MORC4: variants seen among roughly 807,000 people sequenced by gnomAD.
MORC4 encodes MORC family CW-type zinc finger protein 4.
Under a neutral mutation model 65.5 loss-of-function variants are expected in MORC4, and 22 were observed. That is an observed-to-expected ratio of 0.34 (90% confidence interval 0.24 to 0.48). The LOEUF (loss-of-function observed/expected upper bound fraction) is 0.48. Among genes scored for constraint, MORC4 ranks in the 20% least tolerant of loss-of-function variants. The pLI is 0.99. For synonymous variants in MORC4, 267 were observed against 255.8 expected (o/e 1.04, Z -0.42); for missense variants, 624 against 703.0 (o/e 0.89, Z 1.27).
intron 14 of MORC4, among the ~76,000 whole-genome samples, chrX:106,951,995 C>CAA (rs56864570): frequency 1.6e-3 from 50 of 31,639 alleles, no homozygotes; most frequent in Admixed American, 1.9e-3. Flanking sequence ...GACTCTGCCG[C>CAA]AAAAAAAAAA....
intron 9 of MORC4, among the ~76,000 whole-genome samples, chrX:106,964,533 C>T (rs984529659): frequency 6.3e-5 from 7 of 111,740 alleles, no homozygotes; most frequent in African/African-American, 2.3e-4. Context: ...CCAACCTTAA[C>T]TCCAAGTAGG....
intron 2 of MORC4, among the ~76,000 whole-genome samples, 167 bp downstream of exon 2, chrX:106,999,510 G>A (rs1302019860): frequency 2.7e-5 from 3 of 111,909 alleles, no homozygotes; most frequent in Non-Finnish European, 5.7e-5. Flanking sequence ...AGTTCCTGGC[G>A]AGAGAGCCAT....
chrX:106,980,587 G>A (rs1934720311), intron 7 of MORC4, among the ~76,000 whole-genome samples: 1 of 111,228 alleles, frequency 9.0e-6, no homozygotes. Context: ...AGAATCAGCT[G>A]AGGATTTTAA....
chrX:106,971,468 G>A (rs1376370726), intron 9 of MORC4, among the ~76,000 whole-genome samples: 1 of 112,151 alleles, frequency 8.9e-6, no homozygotes, highest in Non-Finnish European at 1.9e-5. Context: ...TGACAAATGG[G>A]ATGTAATTAA....
Position 106,962,011 on chromosome X carries a change from C to T in MORC4, c.1256+1G>A. ...ATTCATATTCTGTATGTATTACTTA[C>T]GGTATTGGCCTGGCTACAGTTGAGG... On this transcript the variant is annotated splice_donor_variant, in intron 10 of 16. Coordinates refer to ENST00000355610, the MANE Select transcript of MORC4 (RefSeq NM_024657.5). LOFTEE classifies it high-confidence loss of function. 1 of 1,173,081 alleles carries T rather than the reference C, an allele frequency of 8.5e-7. No individual in the cohort carries two copies. Among genetic ancestry groups the T allele is most frequent in the Non-Finnish European group, 1.2e-6 (1 of 861,520 alleles).
intron 9 of MORC4, among the ~76,000 whole-genome samples, chrX:106,972,740 A>C (rs1231812992): frequency 8.9e-6 from 1 of 111,840 alleles, no homozygotes; most frequent in Non-Finnish European, 1.9e-5. Context: ...GGAGTTCAAG[A>C]CCAGACTGAC....
chrX:106,961,579 G>A (rs1006350288), intron 10 of MORC4, among the ~76,000 whole-genome samples: 1 of 111,803 alleles, frequency 8.9e-6, no homozygotes, highest in Admixed American at 9.5e-5. Context: ...GCACCAATCA[G>A]TGCTCTGTAA....
In MORC4 at chrX:106,956,915, C is replaced by T. The variant is rs759962231; in HGVS notation, c.1454+21G>A. 7.9e-6 allele frequency: 9 copies of T among 1,140,985 alleles called. No individual in the cohort carries two copies. In the East Asian group the frequency reaches 2.7e-4, roughly 34 times the overall value. 94.0% of individuals were successfully genotyped at this position (1,140,985 alleles called of 1,213,427 possible). On this transcript the variant is annotated intron_variant, in intron 12 of 16. Transcript: ENST00000355610. The stretch of plus-strand genomic sequence containing the variant: ...GCTACTCTACCCTATGGTAGAGAAC[C>T]CCATCTCATGTATACTCAACTGTTT...
intron 15 of MORC4, 91 bp downstream of exon 15, chrX:106,942,424 G>C: frequency 1.1e-6 from 1 of 924,545 alleles, no homozygotes; most frequent in African/African-American, 2.0e-5. Context: ...TTTATTTAAA[G>C]GCCTCAGAAC....
chrX:106,978,620 GCA>G (rs376470714), intron 7 of MORC4, among the ~76,000 whole-genome samples: 2,098 of 101,693 alleles, frequency 0.021, 51 homozygotes, highest in African/African-American at 0.068. Context: ...ACACACACAC[GCA>G]CACACACACA....
At chrX:106,971,341 A>G (rs1412152025) in intron 9 of MORC4, among the ~76,000 whole-genome samples, 1 of 112,209 alleles carries the variant, frequency 8.9e-6, no homozygotes, top group Non-Finnish European at 1.9e-5. Context: ...ACTTAAATGT[A>G]AGACCTAGGA....
intron 9 of MORC4, among the ~76,000 whole-genome samples, chrX:106,972,276 AT>A (rs1934534839): frequency 9.1e-6 from 1 of 110,447 alleles, no homozygotes; most frequent in East Asian, 2.9e-4. Context: ...ATGAGAACAC[AT>A]GGACACAGGG....
chrX:106,955,275 T>C (rs947561456), intron 13 of MORC4, among the ~76,000 whole-genome samples, 187 bp from the exon 14 acceptor site: 9 of 111,098 alleles, frequency 8.1e-5, no homozygotes, highest in African/African-American at 1.3e-4. Flanking sequence ...GTTATCAACC[T>C]TATCAGCAGG....
At chrX:106,972,156 T>C (rs1934530593) in intron 9 of MORC4, among the ~76,000 whole-genome samples, 1 of 111,939 alleles carries the variant, frequency 8.9e-6, no homozygotes, top group Non-Finnish European at 1.9e-5. Context: ...GATGAGTTCA[T>C]GTCCTTTGCA....
chrX:106,958,284 A>C, intron 11 of MORC4, 52 bp downstream of exon 11: 23 of 1,106,015 alleles, frequency 2.1e-5, no homozygotes, highest in Non-Finnish European at 2.7e-5. Context: ...TTTAGACTAT[A>C]GAGATAAATC....
rs1351796664 is a variant in MORC4, at chrX:106,999,935, C to G, written c.35G>C (p.Gly12Ala). ...CCGGGCCAGCCCGCAGCCCGGCGCG[C>G]CAGGGCCGGCGGGGGCCCCTCGGTA... is the stretch of plus-strand genomic sequence containing the variant. ...LLYRGAPAGP[G>A]APGCGLARPG... The change falls in exon 1 of 17, where the codon GGC (glycine) becomes GCC (alanine). Residue 12 changes from glycine to alanine, a missense_variant. Coordinates refer to ENST00000355610, the MANE Select transcript of MORC4 (RefSeq NM_024657.5). 11 of 871,001 alleles carry G rather than the reference C, an allele frequency of 1.3e-5. No homozygotes were observed. The highest frequency in any genetic ancestry group is 1.5e-5 in the Non-Finnish European group (11 of 710,826). 71.8% of individuals were successfully genotyped at this position (871,001 alleles called of 1,213,427 possible).
chrX:106,959,688 C>T (rs906698542), intron 10 of MORC4, among the ~76,000 whole-genome samples: 4 of 110,429 alleles, frequency 3.6e-5, no homozygotes, highest in African/African-American at 6.6e-5. Context: ...TACAGGCATG[C>T]GCCACCACAC....
chrX:106,996,373 A>G (rs1347509130), intron 2 of MORC4, among the ~76,000 whole-genome samples: 2 of 109,668 alleles, frequency 1.8e-5, no homozygotes, highest in Non-Finnish European at 3.8e-5. Flanking sequence ...AGAGATCAGT[A>G]GAGAGGCACC....
chrX:106,942,062 G>C lies in MORC4; in HGVS notation c.2536C>G (p.Leu846Val). 1 of 1,211,211 alleles carries C rather than the reference G, an allele frequency of 8.3e-7. No individual in the cohort carries two copies. The highest frequency in any genetic ancestry group is 1.1e-6 in the Non-Finnish European group (1 of 895,336). Reference protein sequence around the residue: ...QAEFQILKAELERTKEEKQEL... With the variant: ...QAEFQILKAEVERTKEEKQEL... ...TGCTTTTCCTCTTTGGTTCTTTCCA[G>C]CTCAGCTTTCAGAATCTGGAATTCA... The change falls in exon 16 of 17, where the codon CTG becomes GTG. Residue 846 changes from leucine (L) to valine (V), a missense_variant. Coordinates refer to ENST00000355610, the MANE Select transcript of MORC4 (RefSeq NM_024657.5).
Sources: gnomAD v4.1 joint callset for allele counts (sites outside exome capture counted in the v4.1 genomes callset) on GRCh38, gnomAD v4.1.1 for gene constraint, MANE v1.5 for transcripts, NCBI Gene and HGNC (gene_info 2026-07-23, HGNC 2026-07-21) for gene names.